Variants in VWA3B observed in about 807,000 individuals in gnomAD.
The protein encoded by VWA3B is von Willebrand factor A domain-containing protein 3B.
A neutral mutation model predicts 158.3 loss-of-function variants in VWA3B; 138 were observed. That is an observed-to-expected ratio of 0.87 (90% CI 0.76 to 1.00). The LOEUF is 1.00. VWA3B is among the 50% of genes least tolerant of loss of function. The pLI, the probability that VWA3B is intolerant of heterozygous loss-of-function variation, is 0.00. For synonymous variants in VWA3B, 596 were observed against 587.3 expected, an observed-to-expected ratio of 1.01 and a Z score of -0.21; for missense variants, 1,555 against 1,565.1, an observed-to-expected ratio of 0.99 and a Z score of 0.11.
At chr2:98,225,635 G>A (rs1684861891) in intron 14 of VWA3B, among the ~76,000 whole-genome samples, 2 of 150,774 alleles carry the variant, frequency 1.3e-5, no homozygotes, top group South Asian at 4.2e-4. Context: ...CATACAGATT[G>A]AGAAGGAAGA....
chr2:98,260,524 G>A (rs901679248), intron 21 of VWA3B, among the ~76,000 whole-genome samples: 1 of 151,770 alleles, frequency 6.6e-6, no homozygotes, highest in Non-Finnish European at 1.5e-5. Context: ...ATGATTTAAA[G>A]TGTACAGAAA....
At chr2:98,118,697 T>C (rs1674715591) in intron 3 of VWA3B, among the ~76,000 whole-genome samples, 1 of 152,118 alleles carries the variant, frequency 6.6e-6, no homozygotes, top group Non-Finnish European at 1.5e-5. Context: ...TTGGGTCCCC[T>C]CCCTTTGTAT....
At chr2:98,311,770 A>G (rs762195466) in intron 26 of VWA3B, 49 bp from the exon 27 acceptor site, 4 of 1,496,296 alleles carry the variant, frequency 2.7e-6, no homozygotes, top group Non-Finnish European at 3.6e-6. Flanking sequence ...ATCTCTGTAG[A>G]CCCCGCAGCC....
At chr2:98,164,122 T>C (rs1678878122) in intron 8 of VWA3B, among the ~76,000 whole-genome samples, 1 of 152,164 alleles carries the variant, frequency 6.6e-6, no homozygotes, top group African/African-American at 2.4e-5. Context: ...GGCAACCATC[T>C]GACTTGCTCT....
intron 5 of VWA3B, 194 bp from the exon 6 acceptor site, chr2:98,128,045 C>A (rs1675520957): frequency 1.7e-6 from 1 of 592,744 alleles, no homozygotes; most frequent in South Asian, 2.6e-5. Flanking sequence ...TGTTGACAGA[C>A]CTTCCTGGTA....
At chr2:98,131,225 C>T (rs1331397106) in intron 6 of VWA3B, among the ~76,000 whole-genome samples, 1 of 152,204 alleles carries the variant, frequency 6.6e-6, no homozygotes, top group Non-Finnish European at 1.5e-5. Flanking sequence ...TTATACCTGG[C>T]TTATTTCCCG....
rs114140939 is a variant in VWA3B, at chr2:98,262,528, G to A, written c.2843+6354G>A. Among the ~76,000 whole-genome samples, 1,210 of 151,812 alleles carry A rather than the reference G, an allele frequency of 8.0e-3. 19 individuals are homozygous for A. The highest frequency in any genetic ancestry group is 0.028 in the African/African-American group (1,142 of 41,448). ...AGAATCACTTCTTGGAGAGACTGTC[G>A]TTTTTCCTTTGTGTAGTCTTGGCAC... On this transcript the variant is annotated intron_variant, in intron 21 of 27. Transcript: ENST00000477737.
At chr2:98,206,149 C>T (rs1036695259) in intron 12 of VWA3B, 1 of 152,472 alleles carries the variant, frequency 6.6e-6, no homozygotes, top group African/African-American at 2.4e-5. Context: ...CCAAACTCTA[C>T]CATGTTGAGT....
chr2:98,240,925 T>C (rs1293897341), intron 19 of VWA3B, among the ~76,000 whole-genome samples: 1 of 152,196 alleles, frequency 6.6e-6, no homozygotes, highest in African/African-American at 2.4e-5. Context: ...AACAAATTTA[T>C]GCCTATTGTA....
At chr2:98,311,164 G>T (rs1690867597) in intron 26 of VWA3B, among the ~76,000 whole-genome samples, 1 of 152,176 alleles carries the variant, frequency 6.6e-6, no homozygotes, top group Non-Finnish European at 1.5e-5. Context: ...TGAAGGCCCT[G>T]AAAAAAGGTG....
intron 12 of VWA3B, among the ~76,000 whole-genome samples, chr2:98,200,976 T>G (rs1297838437): frequency 6.6e-6 from 1 of 152,232 alleles, no homozygotes; most frequent in Non-Finnish European, 1.5e-5. Flanking sequence ...TTCATTGAAC[T>G]ATTAATAGGT....
chr2:98,294,257 A>G lies in VWA3B; in HGVS notation c.3157+3635A>G, dbSNP rs1038587943. On this transcript the variant is annotated intron_variant, in intron 23 of 27. Coordinates refer to ENST00000477737, the MANE Select transcript of VWA3B (RefSeq NM_144992.5). ...AAGGCCAAATAAAATGTTGCAGAGC[A>G]TAGGCTTGATGTCATTGGTGACTCC... Among the ~76,000 whole-genome samples the G allele has an allele frequency of 5.3e-5, 8 of 151,264 alleles. No individual in the cohort carries two copies. In the East Asian group the frequency reaches 1.2e-3, roughly 22 times the overall value.
At chr2:98,306,230 C>T (rs1365768059) in intron 26 of VWA3B, among the ~76,000 whole-genome samples, 2 of 151,994 alleles carry the variant, frequency 1.3e-5, no homozygotes, top group East Asian at 3.9e-4. Flanking sequence ...CACGGCAACC[C>T]GTAGAGGTTT....
chr2:98,162,443 C>A (rs1044693014), intron 7 of VWA3B, among the ~76,000 whole-genome samples: 1 of 152,144 alleles, frequency 6.6e-6, no homozygotes, highest in African/African-American at 2.4e-5. Flanking sequence ...AAGCAGGACA[C>A]CTTGGCTACA....
Position 98,181,185 on chromosome 2 carries a change from GGAGAATGAGTCC to G in VWA3B, c.1286_1297del (p.Glu429_Ser432del). On this transcript the variant is annotated inframe_deletion, in exon 9 of 28. Transcript: ENST00000477737. Reference sequence around the variant, plus strand: ...GGGTTGTGGATATAAAAGCCAAACCGGAGAATGAGTCCGTGCAGACCAGTGCGGTAGGTGAAG... The same window carrying G: ...GGGTTGTGGATATAAAAGCCAAACCGGTGCAGACCAGTGCGGTAGGTGAAG... The G allele has an allele frequency of 6.2e-7, 1 of 1,614,206 alleles. No homozygotes were observed. The highest frequency in any genetic ancestry group is 8.5e-7 in the Non-Finnish European group (1 of 1,180,014).
chr2:98,202,791 G>C (rs964401369), intron 12 of VWA3B, among the ~76,000 whole-genome samples: 1 of 151,968 alleles, frequency 6.6e-6, no homozygotes, highest in Non-Finnish European at 1.5e-5. Flanking sequence ...TGGAATTAAC[G>C]TTTGCATAAG....
chr2:98,229,350 A>T (rs941464129), intron 15 of VWA3B, among the ~76,000 whole-genome samples: 1 of 152,230 alleles, frequency 6.6e-6, no homozygotes, highest in Non-Finnish European at 1.5e-5. Context: ...ACAGAGGGCC[A>T]TGGAACCCGG....
chr2:98,095,058 G>C (rs545755819), intron 2 of VWA3B, among the ~76,000 whole-genome samples: 1 of 152,166 alleles, frequency 6.6e-6, no homozygotes, highest in African/African-American at 2.4e-5. Context: ...CAGGTAATGT[G>C]ATGCCTCCAG....
At chr2:98,285,480 G>A (rs1300633054) in intron 22 of VWA3B, among the ~76,000 whole-genome samples, 1 of 151,652 alleles carries the variant, frequency 6.6e-6, no homozygotes, top group Non-Finnish European at 1.5e-5. Flanking sequence ...TCTCTTGACG[G>A]GTCAGATGGT....
Sources: gnomAD v4.1 joint callset for allele counts (sites outside exome capture counted in the v4.1 genomes callset) on GRCh38, gnomAD v4.1.1 for gene constraint, MANE v1.5 for transcripts, NCBI Gene and HGNC (gene_info 2026-07-23, HGNC 2026-07-21) for gene names.